The following MTREX variants were observed in gnomAD, a reference collection of about 807,000 sequenced individuals.
MTREX encodes Mtr4 exosome RNA helicase, also known as exosome RNA helicase MTR4.
A neutral mutation model predicts 135.4 loss-of-function variants in MTREX; 76 were observed. The observed-to-expected ratio is 0.56, with a 90% CI of 0.47 to 0.68. MTREX has a LOEUF of 0.68. MTREX is among the 30% of genes least tolerant of loss of function. The pLI is 0.00. For synonymous variants in MTREX, 404 were observed against 401.6 expected (o/e 1.01, Z -0.07); for missense variants, 920 against 1,262.1 (o/e 0.73, Z 4.11).
chr5:55,385,560 G>C (rs1194205465), intron 18 of MTREX, among the ~76,000 whole-genome samples: 3 of 152,146 alleles, frequency 2.0e-5, no homozygotes, highest in Non-Finnish European at 4.4e-5. Context: ...CAGTGAAGTG[G>C]GAAGAGTGAG....
In MTREX at chr5:55,416,040, G is replaced by A; in HGVS notation, c.2879G>A (p.Ser960Asn). 1 of 1,603,504 alleles carries A rather than the reference G, an allele frequency of 6.2e-7. No individual in the cohort carries two copies. Among genetic ancestry groups the A allele is most frequent in the South Asian group, 1.1e-5 (1 of 88,426 alleles). The change falls in exon 25 of 27, where the codon AGC (serine) becomes AAC (asparagine). Residue 960 changes from serine (S) to asparagine (N), a missense_variant. Coordinates refer to ENST00000230640, the MANE Select transcript of MTREX (RefSeq NM_015360.5). ...GAAATTGATGAGGAAACTTATCTAA[G>A]CTCATTTAAACCTCACTTAATGGAT... Reference protein sequence around the residue: ...KLEIDEETYLSSFKPHLMDVV... With the variant: ...KLEIDEETYLNSFKPHLMDVV...
chr5:55,341,734 G>A lies in MTREX; in HGVS notation c.744G>A (p.Trp248Ter). The A allele has an allele frequency of 6.3e-7, 1 of 1,590,232 alleles. No individual in the cohort carries two copies. Among genetic ancestry groups the A allele is most frequent in the East Asian group, 2.3e-5 (1 of 44,404 alleles). The part of the protein sequence containing the change: ...RGSEVMREVA[W>*]VIFDEIHYMR... ...CCGAAGTTATGAGAGAAGTTGCTTG[G>A]GTTATATTTGATGAAATTCATTATA... The change falls in exon 7 of 27, where the codon TGG becomes TGA. Residue 248 changes from tryptophan (W) to a stop codon, truncating the protein, a stop_gained. Coordinates refer to ENST00000230640, the MANE Select transcript of MTREX (RefSeq NM_015360.5). LOFTEE classifies it high-confidence loss of function.
At chr5:55,315,590 T>C (rs1405034390) in intron 1 of MTREX, among the ~76,000 whole-genome samples, 3 of 152,170 alleles carry the variant, frequency 2.0e-5, no homozygotes, top group Non-Finnish European at 4.4e-5. Context: ...AGAGCAATAG[T>C]TAATCCACTG....
At position 55,401,368 on chromosome 5, in the gene MTREX, A is replaced by G. The variant is rs1750721394; in HGVS notation, c.2481+947A>G. 3.3e-5 allele frequency among the ~76,000 whole-genome samples: 5 copies of G among 152,132 alleles called. No individual in the cohort carries two copies. The South Asian group carries it at 8.3e-4, about 25-fold the overall frequency. On this transcript the variant is annotated intron_variant, in intron 21 of 26. Transcript: ENST00000230640. ...TTATATTTTGTTATGTGGATATGCC[A>G]TATTTTGTTTACCCATTCATCAGTT...
At chr5:55,386,064 A>G (rs1750473929) in intron 18 of MTREX, among the ~76,000 whole-genome samples, 1 of 152,208 alleles carries the variant, frequency 6.6e-6, no homozygotes, top group African/African-American at 2.4e-5. Context: ...GTCAGAATAC[A>G]AATCCAAAGA....
At chr5:55,404,393 A>T (rs1026077727) in intron 21 of MTREX, among the ~76,000 whole-genome samples, 8 of 152,196 alleles carry the variant, frequency 5.3e-5, no homozygotes, top group African/African-American at 1.9e-4. Context: ...GGTTTCATTT[A>T]TGTTTTGAAT....
At chr5:55,337,760 G>A (rs559286904) in intron 5 of MTREX, among the ~76,000 whole-genome samples, 11 of 146,720 alleles carry the variant, frequency 7.5e-5, no homozygotes, top group South Asian at 4.2e-4. Flanking sequence ...TTTGTTGTTC[G>A]TTTTGGGGGT....
chr5:55,393,656 T>C (rs1176043239), intron 19 of MTREX, among the ~76,000 whole-genome samples: 2 of 152,224 alleles, frequency 1.3e-5, no homozygotes, highest in East Asian at 3.8e-4. Context: ...CTTCCTGTTA[T>C]TGGTATTCTA....
Position 55,388,110 on chromosome 5 carries a change from CA to C in MTREX, c.2181+9del, listed in dbSNP as rs1561205507. 6.3e-7 allele frequency: 1 copy of C among 1,591,842 alleles called. No individual in the cohort carries two copies. Among genetic ancestry groups the C allele is most frequent in the Non-Finnish European group, 8.6e-7 (1 of 1,165,420 alleles). ...GAGAAAGGAGAGATGCAGGTTTGTA[CA>C]TAACTTTCTGTCTTCTGATTTCAGA... On this transcript the variant is annotated intron_variant, in intron 19 of 26. Coordinates refer to ENST00000230640, the MANE Select transcript of MTREX (RefSeq NM_015360.5).
At chr5:55,380,823 T>G (rs1750384785) in intron 18 of MTREX, among the ~76,000 whole-genome samples, 1 of 152,154 alleles carries the variant, frequency 6.6e-6, no homozygotes, top group Non-Finnish European at 1.5e-5. Context: ...CCTCATAGAA[T>G]GAGTTAGGAA....
chr5:55,311,528 T>A (rs1579841554), intron 1 of MTREX, among the ~76,000 whole-genome samples: 1 of 152,300 alleles, frequency 6.6e-6, no homozygotes, highest in East Asian at 1.9e-4. Flanking sequence ...TTCTGTGGAG[T>A]TTCCCACATC....
intron 16 of MTREX, among the ~76,000 whole-genome samples, chr5:55,375,460 A>G (rs1750280752): frequency 6.6e-6 from 1 of 152,178 alleles, no homozygotes; most frequent in South Asian, 2.1e-4. Context: ...TGCTTTTGAA[A>G]GAAGAGAAAT....
At chr5:55,403,745 C>T (rs2111598614) in intron 21 of MTREX, among the ~76,000 whole-genome samples, 1 of 152,314 alleles carries the variant, frequency 6.6e-6, no homozygotes, top group East Asian at 1.9e-4. Flanking sequence ...GAAAGCATTG[C>T]TTCCTATGAC....
At chr5:55,321,612 T>TA (rs1749291236) in intron 1 of MTREX, among the ~76,000 whole-genome samples, 1 of 149,832 alleles carries the variant, frequency 6.7e-6, no homozygotes, top group African/African-American at 2.5e-5. Flanking sequence ...TATTTTTTTT[T>TA]TTTTTTTTTT....
In MTREX at chr5:55,362,223, G is replaced by A. The variant is rs531656552; in HGVS notation, c.1659+3525G>A. Among the ~76,000 whole-genome samples, 16 of 149,842 alleles carry A rather than the reference G, an allele frequency of 1.1e-4. No individual in the cohort carries two copies. In the East Asian group the frequency reaches 2.4e-3, roughly 23 times the overall value. The stretch of plus-strand genomic sequence containing the variant: ...GCTGGGATTACAGGCATGAACCATC[G>A]CGCTGGCTGGCTTGGCGAATTTTTA... On this transcript the variant is annotated intron_variant, in intron 15 of 26. Transcript: ENST00000230640.
At chr5:55,378,549 A>C in intron 17 of MTREX, 63 bp downstream of exon 17, 1 of 1,474,858 alleles carries the variant, frequency 6.8e-7, no homozygotes, top group Non-Finnish European at 9.1e-7. Context: ...TTTTTGTTAA[A>C]GATTCTAATT....
At chr5:55,354,140 A>T (rs1749872050) in intron 14 of MTREX, among the ~76,000 whole-genome samples, 1 of 152,032 alleles carries the variant, frequency 6.6e-6, no homozygotes, top group Non-Finnish European at 1.5e-5. Context: ...GGTGACTGGG[A>T]TGCTGAAGTA....
At chr5:55,312,429 T>G (rs1453927546) in intron 1 of MTREX, among the ~76,000 whole-genome samples, 5 of 152,130 alleles carry the variant, frequency 3.3e-5, no homozygotes, top group Middle Eastern at 3.2e-3. Flanking sequence ...TTTTTTAATC[T>G]TATTGGGGTA....
chr5:55,363,462 G>GAAGTTATCCTGGAATCCTTCA lies in MTREX; in HGVS notation c.1660-3258_1660-3257insATCCTGGAATCCTTCAAAGTT, dbSNP rs375584437. Among the ~76,000 whole-genome samples the GAAGTTATCCTGGAATCCTTCA allele has an allele frequency of 5.8e-3, 890 of 152,218 alleles. 8 individuals carry two copies. Among genetic ancestry groups the GAAGTTATCCTGGAATCCTTCA allele is most frequent in the African/African-American group, 0.021 (857 of 41,544 alleles). ...GCAAATTGGCAAAAAGGAATTCTTC[G>GAAGTTATCCTGGAATCCTTCA]AAGTTTTCCTGGAATCCTTCAAAGT... On this transcript the variant is annotated intron_variant, in intron 15 of 26. Coordinates refer to ENST00000230640, the MANE Select transcript of MTREX (RefSeq NM_015360.5).
Sources: gnomAD v4.1 joint callset for allele counts (sites outside exome capture counted in the v4.1 genomes callset) on GRCh38, gnomAD v4.1.1 for gene constraint, MANE v1.5 for transcripts, NCBI Gene and HGNC (gene_info 2026-07-23, HGNC 2026-07-21) for gene names.